SLC35D1: variants seen among roughly 807,000 people sequenced by gnomAD.
SLC35D1 encodes the protein solute carrier family 35 member D1.
In SLC35D1, 31 loss-of-function variants were observed where a neutral mutation model predicts 46.7. That is an observed-to-expected ratio of 0.66 (90% CI 0.50 to 0.90). The LOEUF (loss-of-function observed/expected upper bound fraction) is 0.90, where lower values mean the gene tolerates loss of function less well. Ranked by LOEUF, SLC35D1 falls within the 40% of genes least tolerant of loss-of-function variation. The probability of loss-of-function intolerance (pLI) is 0.00; values close to 1 mark genes in which losing one functional copy is unlikely to be tolerated. For missense variants in SLC35D1, 397 were observed against 426.2 expected, an observed-to-expected ratio of 0.93 and a Z score of 0.60; for synonymous variants, 195 against 164.6, an observed-to-expected ratio of 1.18 and a Z score of -1.41.
Position 67,051,999 on chromosome 1 carries a change from A to G in SLC35D1, c.392+13T>C. The G allele has an allele frequency of 6.4e-7, 1 of 1,558,576 alleles. No homozygotes were observed. The highest frequency in any genetic ancestry group is 8.9e-7 in the Non-Finnish European group (1 of 1,129,692). On this transcript the variant is annotated intron_variant, in intron 4 of 11. Coordinates refer to ENST00000235345, the MANE Select transcript of SLC35D1 (RefSeq NM_015139.3). ...TTATATTAACCTCACTAGTAAAATA[A>G]AGTTATCCATACTTCAGTTTCTTTG...
intron 11 of SLC35D1, among the ~76,000 whole-genome samples, chr1:67,008,199 C>T (rs1005266031): frequency 2.4e-4 from 37 of 152,130 alleles, no homozygotes; most frequent in African/African-American, 8.0e-4. Flanking sequence ...AGTGCAGCGG[C>T]GCAATCTCGG....
intron 7 of SLC35D1, among the ~76,000 whole-genome samples, chr1:67,046,471 T>A (rs1319060853): frequency 1.3e-5 from 2 of 152,192 alleles, no homozygotes; most frequent in African/African-American, 4.8e-5. Flanking sequence ...TTACAAGATG[T>A]AATTATGAGA....
In SLC35D1 at chr1:66,999,528, A is replaced by C. The variant is rs1330728558; in HGVS notation, c.*4812T>G. 6.6e-6 allele frequency: 1 copy of C among 152,350 alleles called. No individual in the cohort carries two copies. Among genetic ancestry groups the C allele is most frequent in the Non-Finnish European group, 1.5e-5 (1 of 68,036 alleles). The allele number at this position is 152,350 out of a possible 1,614,324, so 9.4% of individuals were successfully genotyped here. Reference sequence around the variant, plus strand: ...TGGTAAATAGACTCTAAAATGAAAAAATACTGTGAGAAGCTAACACCTGTA... The same window carrying C: ...TGGTAAATAGACTCTAAAATGAAAACATACTGTGAGAAGCTAACACCTGTA... On this transcript the variant is annotated 3_prime_UTR_variant, in exon 12 of 12. Coordinates refer to ENST00000235345, the MANE Select transcript of SLC35D1 (RefSeq NM_015139.3).
intron 8 of SLC35D1, among the ~76,000 whole-genome samples, chr1:67,034,825 ATT>A (rs1443305044): frequency 2.0e-5 from 3 of 152,084 alleles, no homozygotes; most frequent in African/African-American, 7.2e-5. Flanking sequence ...TCTGTCATAT[ATT>A]GTTTTTCCTT....
intron 8 of SLC35D1, among the ~76,000 whole-genome samples, chr1:67,035,969 AT>A (rs762070180): frequency 3.3e-5 from 5 of 152,050 alleles, no homozygotes; most frequent in Non-Finnish European, 5.9e-5. Flanking sequence ...ATTCAGGAAC[AT>A]ATTGTTTAAT....
At chr1:67,033,248 G>A (rs1668054304) in intron 8 of SLC35D1, among the ~76,000 whole-genome samples, 1 of 152,108 alleles carries the variant, frequency 6.6e-6, no homozygotes, top group African/African-American at 2.4e-5. Context: ...TTACCCAGCA[G>A]TGGGATTGCT....
At chr1:67,030,019 T>A (rs991322849) in intron 8 of SLC35D1, among the ~76,000 whole-genome samples, 40 of 152,150 alleles carry the variant, frequency 2.6e-4, no homozygotes, top group African/African-American at 9.4e-4. Context: ...GTTTTTTTTT[T>A]TTTTCTTTGA....
At chr1:67,038,463 T>G (rs1668168929) in intron 8 of SLC35D1, among the ~76,000 whole-genome samples, 1 of 152,142 alleles carries the variant, frequency 6.6e-6, no homozygotes, top group Admixed American at 6.5e-5. Context: ...GGTCTGTTCT[T>G]CCATCTCTAT....
In SLC35D1 at chr1:67,013,158, A is replaced by ATATATATATATATATATATAGATG; in HGVS notation, c.877-3992_877-3991insCATCTATATATATATATATATATA. Reference sequence around the variant, plus strand: ...TAATTTAAGAACATATATCCTGGAGATATATATATATCCTGTTCTTAAATT... The same window carrying ATATATATATATATATATATAGATG: ...TAATTTAAGAACATATATCCTGGAGATATATATATATATATATATAGATGTATATATATATCCTGTTCTTAAATT... On this transcript the variant is annotated intron_variant, in intron 10 of 11. Coordinates refer to ENST00000235345, the MANE Select transcript of SLC35D1 (RefSeq NM_015139.3). Among the ~76,000 whole-genome samples, 9 of 103,622 alleles carry ATATATATATATATATATATAGATG rather than the reference A, an allele frequency of 8.7e-5. No homozygotes were observed. In the East Asian group the frequency reaches 1.8e-3, roughly 21 times the overall value. 68.0% of individuals were successfully genotyped at this position (103,622 alleles called of 152,430 possible).
In SLC35D1 at chr1:67,052,878, A is replaced by G; in HGVS notation, c.238-21T>C. The G allele has an allele frequency of 1.9e-6, 3 of 1,614,112 alleles. 1 individual carries two copies. The highest frequency in any genetic ancestry group is 2.2e-5 in the South Asian group (2 of 91,080). On this transcript the variant is annotated intron_variant, in intron 2 of 11. Transcript: ENST00000235345. ...ACCATCTGTAAACAAGAGAACACAG[A>G]TTCACTGTTCTACACATAAAGACAC...
intron 7 of SLC35D1, among the ~76,000 whole-genome samples, chr1:67,046,806 G>A (rs185529425): frequency 4.6e-5 from 7 of 152,304 alleles, no homozygotes; most frequent in African/African-American, 1.7e-4. Flanking sequence ...CCCTAAGAGA[G>A]ACAGAGATAC....
At chr1:67,021,439 T>C in intron 9 of SLC35D1, 96 bp downstream of exon 9, 1 of 1,305,290 alleles carries the variant, frequency 7.7e-7, no homozygotes, top group Non-Finnish European at 1.1e-6. Context: ...GCTGACACAC[T>C]CAGGAGACCT....
At chr1:67,007,026 T>C (rs936885016) in intron 11 of SLC35D1, among the ~76,000 whole-genome samples, 2 of 152,206 alleles carry the variant, frequency 1.3e-5, no homozygotes, top group African/African-American at 4.8e-5. Flanking sequence ...TCTAAGCTTG[T>C]CTGAGGATTA....
intron 10 of SLC35D1, among the ~76,000 whole-genome samples, chr1:67,012,184 C>T (rs1308338662): frequency 6.6e-6 from 1 of 152,308 alleles, no homozygotes; most frequent in East Asian, 1.9e-4. Flanking sequence ...TTTGTCATCT[C>T]AACCTTTGTT....
chr1:66,981,951 A>G, the SLC35D1 span: 66 of 1,609,110 alleles, frequency 4.1e-5, no homozygotes, highest in Non-Finnish European at 1.7e-6. Context: ...CTCTTTCTTC[A>G]TAATAAGGGA....
chr1:67,018,772 A>G (rs1667736617), intron 10 of SLC35D1, among the ~76,000 whole-genome samples: 1 of 152,178 alleles, frequency 6.6e-6, no homozygotes, highest in Non-Finnish European at 1.5e-5. Context: ...TTGTAGGAGG[A>G]ATGGCTGAGC....
At chr1:67,029,172 C>T (rs941455907) in intron 8 of SLC35D1, among the ~76,000 whole-genome samples, 7 of 152,156 alleles carry the variant, frequency 4.6e-5, no homozygotes, top group African/African-American at 1.7e-4. Context: ...TCTTTCCTGC[C>T]AAACTCAAGA....
intron 4 of SLC35D1, among the ~76,000 whole-genome samples, 165 bp downstream of exon 4, chr1:67,051,847 A>T (rs1645312778): frequency 6.6e-6 from 1 of 152,196 alleles, no homozygotes; most frequent in African/African-American, 2.4e-5. Context: ...ATAAACTATA[A>T]ACTAAAACCT....
intron 6 of SLC35D1, among the ~76,000 whole-genome samples, chr1:67,048,844 T>A (rs1295621253): frequency 6.6e-6 from 1 of 152,202 alleles, no homozygotes; most frequent in African/African-American, 2.4e-5. Context: ...AATAACCTAA[T>A]AGAATATCTA....
Sources: allele counts gnomAD v4.1 joint callset (sites outside exome capture counted in the v4.1 genomes callset), GRCh38; gene constraint gnomAD v4.1.1; transcripts MANE v1.5; gene names NCBI Gene and HGNC (gene_info 2026-07-23, HGNC 2026-07-21).